GAS7: variants seen among roughly 807,000 people sequenced by gnomAD.
The protein encoded by GAS7 is growth arrest-specific protein 7.
GAS7 carries 28 observed loss-of-function variants against 71.1 expected under a neutral mutation model. The observed-to-expected ratio is 0.39, with a 90% CI of 0.29 to 0.54. The LOEUF (loss-of-function observed/expected upper bound fraction) is 0.54. Among genes scored for constraint, GAS7 ranks in the 20% least tolerant of loss-of-function variants. GAS7 has a pLI of 0.62. For synonymous variants in GAS7, 258 were observed against 245.8 expected (o/e 1.05, Z -0.46); for missense variants, 436 against 627.8 (o/e 0.69, Z 3.27).
chr17:10,109,115 C>CA (rs745314550), intron 1 of GAS7, among the ~76,000 whole-genome samples: 37 of 150,328 alleles, frequency 2.5e-4, no homozygotes, highest in Non-Finnish European at 4.1e-4. Flanking sequence ...AACTCAACAG[C>CA]AAAAAAAATT....
At chr17:10,125,538 A>G (rs371426493) in intron 1 of GAS7, among the ~76,000 whole-genome samples, 13 of 11,094 alleles carry the variant, frequency 1.2e-3, no homozygotes, top group African/African-American at 7.2e-3. Context: ...AAAAAAAAAG[A>G]AAAAAAAAAA....
At chr17:9,925,365 G>A (rs979496599) in intron 11 of GAS7, 111 bp downstream of exon 11, 11 of 1,066,540 alleles carry the variant, frequency 1.0e-5, no homozygotes, top group East Asian at 9.6e-5. Context: ...TAATTTCCTC[G>A]CTGCAGTCTT....
intron 1 of GAS7, among the ~76,000 whole-genome samples, chr17:10,159,699 G>T (rs2074236400): frequency 6.6e-6 from 1 of 152,068 alleles, no homozygotes; most frequent in South Asian, 2.1e-4. Flanking sequence ...TTAGGTCCTG[G>T]GTAAGTTCCG....
At chr17:10,198,064 AG>A (rs1479487567) in intron 1 of GAS7, 143 bp downstream of exon 1, 2 of 703,556 alleles carry the variant, frequency 2.8e-6, no homozygotes, top group Non-Finnish European at 4.7e-6. Flanking sequence ...AGGAGCGTGG[AG>A]CTACAGGTAG....
intron 1 of GAS7, among the ~76,000 whole-genome samples, chr17:10,111,413 G>A (rs1335120941): frequency 1.3e-5 from 2 of 152,102 alleles, no homozygotes; most frequent in African/African-American, 2.4e-5. Flanking sequence ...TGCACCTGTA[G>A]TCTCAGCTAC....
intron 1 of GAS7, among the ~76,000 whole-genome samples, chr17:10,056,982 G>A (rs1597757572): frequency 6.6e-6 from 1 of 152,008 alleles, no homozygotes; most frequent in East Asian, 1.9e-4. Context: ...TTTTGGTGGA[G>A]ACGGGGTTTC....
intron 2 of GAS7, among the ~76,000 whole-genome samples, chr17:10,002,305 C>T (rs1479589505): frequency 6.6e-6 from 1 of 152,172 alleles, no homozygotes; most frequent in Non-Finnish European, 1.5e-5. Context: ...GCCTTCGCAG[C>T]GTCTTCCCTC....
chr17:10,047,192 G>T (rs1465242782), intron 1 of GAS7, among the ~76,000 whole-genome samples: 1 of 152,176 alleles, frequency 6.6e-6, no homozygotes, highest in Non-Finnish European at 1.5e-5. Flanking sequence ...TGTTCGGAAA[G>T]GTACAGATGC....
At chr17:10,163,608 AT>A (rs1412107562) in intron 1 of GAS7, among the ~76,000 whole-genome samples, 1 of 152,142 alleles carries the variant, frequency 6.6e-6, no homozygotes, top group Non-Finnish European at 1.5e-5. Flanking sequence ...TCTGTTCTTT[AT>A]CACTCCTGCA....
At chr17:10,157,388 G>A (rs1195786032) in intron 1 of GAS7, among the ~76,000 whole-genome samples, 1 of 152,158 alleles carries the variant, frequency 6.6e-6, no homozygotes, top group Non-Finnish European at 1.5e-5. Context: ...CAAGTCTGAC[G>A]CCTACGTGGG....
At chr17:10,154,061 T>C (rs1430494760) in intron 1 of GAS7, among the ~76,000 whole-genome samples, 1 of 152,162 alleles carries the variant, frequency 6.6e-6, no homozygotes, top group Non-Finnish European at 1.5e-5. Context: ...TTCCAAATAA[T>C]TTCATCATGG....
intron 1 of GAS7, among the ~76,000 whole-genome samples, chr17:10,074,938 A>G (rs1455559866): frequency 7.1e-6 from 1 of 141,564 alleles, no homozygotes; most frequent in Non-Finnish European, 1.5e-5. Flanking sequence ...AACTCACCAT[A>G]TCAAAAGAAA....
chr17:10,005,054 C>T lies in GAS7; in HGVS notation c.304+14723G>A, dbSNP rs1383486852. Among the ~76,000 whole-genome samples the T allele has an allele frequency of 6.6e-3, 878 of 132,826 alleles. 3 individuals are homozygous for T. Among genetic ancestry groups the T allele is most frequent in the South Asian group, 0.048 (203 of 4,234 alleles). 87.1% of individuals were successfully genotyped at this position (132,826 alleles called of 152,430 possible). On this transcript the variant is annotated intron_variant, in intron 2 of 13. Coordinates refer to ENST00000432992, the MANE Select transcript of GAS7 (RefSeq NM_201433.2). ...CTATATATACATACATATATATACA[C>T]ATATATGTGTGTATGCACGCATACA...
rs189519984 is a variant in GAS7, at chr17:10,158,005, T to C, written c.183+40203A>G. 2.6e-5 allele frequency among the ~76,000 whole-genome samples: 4 copies of C among 152,174 alleles called. No homozygotes were observed. In the East Asian group the frequency reaches 7.8e-4, roughly 30 times the overall value. Reference sequence around the variant, plus strand: ...CCTAGGCAACAGAACAAAATCCTGTTATTTTATTTTATTTTTATTTTTTGA... The same window carrying C: ...CCTAGGCAACAGAACAAAATCCTGTCATTTTATTTTATTTTTATTTTTTGA... On this transcript the variant is annotated intron_variant, in intron 1 of 13. Transcript: ENST00000432992.
At chr17:10,171,218 A>T (rs1477535416) in intron 1 of GAS7, among the ~76,000 whole-genome samples, 1 of 152,064 alleles carries the variant, frequency 6.6e-6, no homozygotes, top group Admixed American at 6.6e-5. Context: ...TCTTGACCGA[A>T]TTTCCTCCGG....
intron 1 of GAS7, among the ~76,000 whole-genome samples, chr17:10,037,186 A>G (rs1368206680): frequency 6.6e-6 from 1 of 152,234 alleles, no homozygotes. Flanking sequence ...AGACAGGCTC[A>G]TGTGAGGTCT....
At chr17:9,939,443 AC>A (rs2068518367) in intron 8 of GAS7, among the ~76,000 whole-genome samples, 1 of 151,968 alleles carries the variant, frequency 6.6e-6, no homozygotes, top group Non-Finnish European at 1.5e-5. Flanking sequence ...CAGGTACAAT[AC>A]CCTCTCATAC....
At chr17:10,141,138 A>G (rs7215255) in intron 1 of GAS7, among the ~76,000 whole-genome samples, 31,823 of 152,222 alleles carry the variant, frequency 0.21, 3,535 homozygotes, top group African/African-American at 0.25. Context: ...CACAGGTCAC[A>G]TCAAGGGGAT....
Position 9,915,118 on chromosome 17 carries a change from C to T in GAS7, c.*2110G>A, listed in dbSNP as rs2067548405. On this transcript the variant is annotated 3_prime_UTR_variant, in exon 14 of 14. Coordinates refer to ENST00000432992, the MANE Select transcript of GAS7 (RefSeq NM_201433.2). The stretch of plus-strand genomic sequence containing the variant: ...GAGGGGATGAGGGGGGAAAGAGTGA[C>T]CTCCAAAAATGGACTGGCCCAAACT... 4.3e-6 allele frequency: 1 copy of T among 230,818 alleles called. No homozygotes were observed. Among genetic ancestry groups the T allele is most frequent in the African/African-American group, 2.2e-5 (1 of 44,786 alleles). 14.3% of individuals were successfully genotyped at this position (230,818 alleles called of 1,614,324 possible).
Sources: gnomAD v4.1 joint callset for allele counts (sites outside exome capture counted in the v4.1 genomes callset) on GRCh38, gnomAD v4.1.1 for gene constraint, MANE v1.5 for transcripts, NCBI Gene and HGNC (gene_info 2026-07-23, HGNC 2026-07-21) for gene names.